JAKMIP2: variants seen among roughly 807,000 people sequenced by gnomAD.
JAKMIP2 encodes janus kinase and microtubule interacting protein 2, also known as janus kinase and microtubule-interacting protein 2.
In JAKMIP2, 25 loss-of-function variants were observed where a neutral mutation model predicts 115.0. The ratio of observed to expected loss-of-function variants is 0.22; its 90% CI spans 0.16 to 0.30. JAKMIP2 has a LOEUF of 0.30. Among genes scored for constraint, JAKMIP2 ranks in the 10% least tolerant of loss-of-function variants. The probability of loss-of-function intolerance (pLI) is 1.00; values close to 1 mark genes in which losing one functional copy is unlikely to be tolerated. For synonymous variants in JAKMIP2, 334 were observed against 343.6 expected (o/e 0.97, Z 0.31); for missense variants, 642 against 957.6 (o/e 0.67, Z 4.35).
chr5:147,666,217 A>G (rs1342968325), intron 2 of JAKMIP2, among the ~76,000 whole-genome samples: 1 of 152,136 alleles, frequency 6.6e-6, no homozygotes, highest in Non-Finnish European at 1.5e-5. Flanking sequence ...ATTTTTGGGG[A>G]AAAAGGCCAA....
At chr5:147,645,067 G>A in intron 5 of JAKMIP2, 71 bp from the exon 6 acceptor site, 28 of 1,461,896 alleles carry the variant, frequency 1.9e-5, no homozygotes, top group Non-Finnish European at 2.6e-5. Context: ...AAAGTGGTGG[G>A]AGTGAAAGCA....
At chr5:147,727,561 C>A (rs74913732) in intron 1 of JAKMIP2, among the ~76,000 whole-genome samples, 3,671 of 152,250 alleles carry the variant, frequency 0.024, 104 homozygotes, top group East Asian at 0.11. Context: ...TGAGAACTTA[C>A]CGTCATGAGA....
rs372513349 is a variant in JAKMIP2 at position 147,640,655 on chromosome 5, A to T, written c.1401+49T>A. 2.3e-5 allele frequency: 36 copies of T among 1,596,382 alleles called. 1 individual carries two copies. The African/African-American group carries it at 4.4e-4, about 20-fold the overall frequency. On this transcript the variant is annotated intron_variant, in intron 9 of 21. Coordinates refer to ENST00000616793, the MANE Select transcript of JAKMIP2 (RefSeq NM_001270941.2). ...ATCCTTTTTCTTCCCCCTTAAATCA[A>T]AGATTTGGTGACAATATCACCCTAG...
chr5:147,763,154 C>G (rs1389341533), intron 1 of JAKMIP2, among the ~76,000 whole-genome samples: 4 of 152,006 alleles, frequency 2.6e-5, no homozygotes, highest in Admixed American at 2.6e-4. Flanking sequence ...CTCCTGAGTT[C>G]CATATGAATT....
intron 1 of JAKMIP2, among the ~76,000 whole-genome samples, chr5:147,753,081 C>T (rs1186467050): frequency 4.6e-5 from 7 of 152,198 alleles, no homozygotes; most frequent in African/African-American, 1.4e-4. Flanking sequence ...GGCATTATAG[C>T]TGGCACTTCC....
chr5:147,660,570 C>A, intron 3 of JAKMIP2: 2 of 391,464 alleles, frequency 5.1e-6, no homozygotes, highest in Non-Finnish European at 1.0e-5. Context: ...AAAGGAAAAG[C>A]CCACAAAAAC....
intron 1 of JAKMIP2, among the ~76,000 whole-genome samples, chr5:147,699,447 A>G (rs914340921): frequency 2.0e-5 from 3 of 152,206 alleles, no homozygotes; most frequent in Non-Finnish European, 2.9e-5. Flanking sequence ...TGAAAAAAAA[A>G]CAATTAGAGA....
At chr5:147,690,701 G>C (rs1580787721) in intron 1 of JAKMIP2, among the ~76,000 whole-genome samples, 1 of 151,842 alleles carries the variant, frequency 6.6e-6, no homozygotes, top group Admixed American at 6.6e-5. Context: ...AGTCTTCCTG[G>C]ATGCCTCACA....
chr5:147,595,841 C>T (rs1755358504), intron 21 of JAKMIP2, among the ~76,000 whole-genome samples: 2 of 152,004 alleles, frequency 1.3e-5, no homozygotes, highest in South Asian at 4.2e-4. Flanking sequence ...ATTATATGGT[C>T]ATTATCTGCA....
At chr5:147,750,272 A>G (rs1269900319) in intron 1 of JAKMIP2, among the ~76,000 whole-genome samples, 1 of 152,164 alleles carries the variant, frequency 6.6e-6, no homozygotes, top group East Asian at 1.9e-4. Flanking sequence ...AATGGCAGGA[A>G]GGAGGCCATT....
intron 1 of JAKMIP2, among the ~76,000 whole-genome samples, chr5:147,738,871 A>C (rs922720762): frequency 6.6e-5 from 10 of 152,184 alleles, no homozygotes; most frequent in African/African-American, 2.4e-4. Flanking sequence ...ACTAAGACCC[A>C]AGATATAACA....
chr5:147,755,589 C>T (rs188093607), intron 1 of JAKMIP2, among the ~76,000 whole-genome samples: 1 of 152,124 alleles, frequency 6.6e-6, no homozygotes, highest in East Asian at 1.9e-4. Flanking sequence ...CTTCCAAGTA[C>T]CTCTGTAATT....
At chr5:147,771,305 T>G (rs1755345424) in intron 1 of JAKMIP2, among the ~76,000 whole-genome samples, 1 of 152,008 alleles carries the variant, frequency 6.6e-6, no homozygotes, top group Admixed American at 6.6e-5. Flanking sequence ...AGTTTAATTA[T>G]GAATAAAATA....
At chr5:147,654,622 T>C (rs1758582770) in intron 3 of JAKMIP2, among the ~76,000 whole-genome samples, 1 of 152,170 alleles carries the variant, frequency 6.6e-6, no homozygotes, top group Non-Finnish European at 1.5e-5. Flanking sequence ...GCTGAGATCA[T>C]GGGGAATTCT....
intron 3 of JAKMIP2, 172 bp downstream of exon 3, chr5:147,660,776 C>T: frequency 4.3e-6 from 3 of 694,852 alleles, no homozygotes; most frequent in South Asian, 2.0e-5. Context: ...GCATATCTCT[C>T]GATTGATCTA....
intron 4 of JAKMIP2, 81 bp downstream of exon 4, chr5:147,650,257 A>C: frequency 1.1e-6 from 1 of 873,750 alleles, no homozygotes; most frequent in African/African-American, 1.7e-5. Flanking sequence ...AAACAAGAAA[A>C]GAGCTTAAGT....
Position 147,650,358 on chromosome 5 carries a change from A to T in JAKMIP2, c.817T>A (p.Ser273Thr). The T allele has an allele frequency of 3.1e-6, 5 of 1,611,560 alleles. No individual in the cohort carries two copies. Among genetic ancestry groups the T allele is most frequent in the Non-Finnish European group, 3.4e-6 (4 of 1,177,668 alleles). The change falls in exon 4 of 22, where the codon TCC becomes ACC. Residue 273 changes from serine (S) to threonine (T), a missense_variant. By Grantham distance (58) the Ser-to-Thr change is moderately conservative. This residue lies in a region of JAKMIP2 where 439 missense variants were observed against 570.9 expected (regional missense o/e 0.77). Coordinates refer to ENST00000616793, the MANE Select transcript of JAKMIP2 (RefSeq NM_001270941.2). Reference sequence around the variant, plus strand: ...CTTACAGGACTGCTGCAGTGTTCGGAACCATCACCTGCCCTTCCTGGAATT... The same window carrying T: ...CTTACAGGACTGCTGCAGTGTTCGGTACCATCACCTGCCCTTCCTGGAATT... Reference protein sequence around the residue: ...REIPGRAGDGSEHCSSPDLRR... With the variant: ...REIPGRAGDGTEHCSSPDLRR...
intron 3 of JAKMIP2, among the ~76,000 whole-genome samples, chr5:147,657,237 G>A (rs139928138): frequency 0.079 from 11,964 of 152,228 alleles, 627 homozygotes; most frequent in Admixed American, 0.14. Context: ...CCGAGATCGC[G>A]CCACTGCACT....
At chr5:147,638,823 A>G (rs184835837) in intron 10 of JAKMIP2, among the ~76,000 whole-genome samples, 3 of 152,184 alleles carry the variant, frequency 2.0e-5, no homozygotes, top group Admixed American at 2.0e-4. Context: ...ATTTAACTTC[A>G]CTAAACTACA....
Sources: allele counts gnomAD v4.1 joint callset (sites outside exome capture counted in the v4.1 genomes callset), GRCh38; gene constraint gnomAD v4.1.1; regional missense constraint gnomAD v4.1.1; transcripts MANE v1.5; gene names NCBI Gene and HGNC (gene_info 2026-07-23, HGNC 2026-07-21).